CYP46A1: variants seen among roughly 807,000 people sequenced by gnomAD.
The protein encoded by CYP46A1 is cytochrome P450 family 46 subfamily A member 1, also known as cholesterol 24-hydroxylase.
A neutral mutation model predicts 63.3 loss-of-function variants in CYP46A1; 20 were observed. That is an observed-to-expected ratio of 0.32 (90% CI 0.22 to 0.46). The LOEUF (loss-of-function observed/expected upper bound fraction) is 0.46. Among genes scored for constraint, CYP46A1 ranks in the 20% least tolerant of loss-of-function variants. The pLI is 1.00. For missense variants in CYP46A1, 445 were observed against 670.8 expected (o/e 0.66, Z 3.72); for synonymous variants, 268 against 273.6 (o/e 0.98, Z 0.20).
At chr14:99,717,822 C>T (rs757234128) in intron 9 of CYP46A1, 8 of 492,332 alleles carry the variant, frequency 1.6e-5, no homozygotes, top group African/African-American at 5.9e-5. Flanking sequence ...GCTGTGTGAC[C>T]ACAGAGACCC....
intron 5 of CYP46A1, chr14:99,703,724 C>A: frequency 8.4e-6 from 8 of 954,442 alleles, no homozygotes; most frequent in Non-Finnish European, 1.0e-5. Context: ...CCTCACTAGA[C>A]CACGGATCCC....
chr14:99,686,315 G>C (rs1275457223), intron 1 of CYP46A1, among the ~76,000 whole-genome samples: 5 of 152,136 alleles, frequency 3.3e-5, no homozygotes, highest in African/African-American at 1.2e-4. Flanking sequence ...TCTGTGTCTT[G>C]AGAAAGCAGA....
At position 99,716,122 on chromosome 14, in the gene CYP46A1, C is replaced by T; in HGVS notation, c.845-15C>T. The T allele has an allele frequency of 6.2e-7, 1 of 1,614,186 alleles. No homozygotes were observed. On this transcript the variant is annotated splice_polypyrimidine_tract_variant and intron_variant, in intron 8 of 14. Coordinates refer to ENST00000261835, the MANE Select transcript of CYP46A1 (RefSeq NM_006668.2). ...CAAAGATTTGCTGGGAACTGAGACT[C>T]TCCTTGTTTTTCAGCTGAAGAGGGA... is the stretch of plus-strand genomic sequence containing the variant.
intron 9 of CYP46A1, among the ~76,000 whole-genome samples, chr14:99,716,651 A>G (rs960988612): frequency 6.6e-6 from 1 of 152,216 alleles, no homozygotes; most frequent in Non-Finnish European, 1.5e-5. Flanking sequence ...TCAGGCACTC[A>G]GCTAGAAGCT....
intron 3 of CYP46A1, among the ~76,000 whole-genome samples, chr14:99,693,995 C>G (rs894001385): frequency 2.0e-5 from 3 of 152,194 alleles, no homozygotes; most frequent in African/African-American, 7.2e-5. Flanking sequence ...TTCCCCTCCC[C>G]CCAGACCCTG....
Position 99,707,376 on chromosome 14 carries a change from T to A in CYP46A1, c.583-192T>A, listed in dbSNP as rs8011015. 1.1e-3 allele frequency among the ~76,000 whole-genome samples: 160 copies of A among 152,248 alleles called. No individual in the cohort carries two copies. In the East Asian group the frequency reaches 0.023, roughly 22 times the overall value. ...AAAGCCAAGTTTATTGAGTAGCTAC[T>A]ATGAGCTACTTCATCCTCATAGCAT... On this transcript the variant is annotated intron_variant, in intron 6 of 14. Coordinates refer to ENST00000261835, the MANE Select transcript of CYP46A1 (RefSeq NM_006668.2).
At chr14:99,700,848 C>T (rs763428636) in intron 5 of CYP46A1, among the ~76,000 whole-genome samples, 1 of 152,160 alleles carries the variant, frequency 6.6e-6, no homozygotes, top group Non-Finnish European at 1.5e-5. Flanking sequence ...CAGAAGAAGG[C>T]ATTATTATCA....
intron 3 of CYP46A1, chr14:99,693,543 T>C (rs1339959326): frequency 6.6e-6 from 1 of 152,238 alleles, no homozygotes; most frequent in Non-Finnish European, 1.5e-5. Context: ...TAATATTTTG[T>C]TAAGAGTTTT....
At chr14:99,698,796 T>C (rs1234759896) in intron 3 of CYP46A1, among the ~76,000 whole-genome samples, 3 of 152,204 alleles carry the variant, frequency 2.0e-5, no homozygotes, top group African/African-American at 7.2e-5. Flanking sequence ...TGGGCAATCC[T>C]GCCTCAAGAG....
intron 6 of CYP46A1, 81 bp downstream of exon 6, chr14:99,706,866 C>T (rs2056681325): frequency 6.7e-7 from 1 of 1,498,406 alleles, no homozygotes; most frequent in Non-Finnish European, 9.0e-7. Context: ...TCCCTTCTCT[C>T]TTCCCCTCCC....
At chr14:99,710,884 TGAAA>T (rs1401442783) in intron 7 of CYP46A1, 1 of 152,108 alleles carries the variant, frequency 6.6e-6, no homozygotes, top group Admixed American at 6.5e-5. Context: ...CATCAGCACA[TGAAA>T]GATTCTCCAG....
Position 99,706,634 on chromosome 14 carries a change from G to A in CYP46A1, c.444-13G>A, listed in dbSNP as rs373738815. 9 of 1,613,380 alleles carry A rather than the reference G, an allele frequency of 5.6e-6. No individual in the cohort carries two copies. The African/African-American group carries it at 1.2e-4, about 22-fold the overall frequency. On this transcript the variant is annotated splice_polypyrimidine_tract_variant and intron_variant, in intron 5 of 14. Transcript: ENST00000261835. ...CTGGCCAGTGGCCGTTGATGCCTGT[G>A]CTGTTTCTCCAGCTCCTTGGTTAGC...
intron 10 of CYP46A1, among the ~76,000 whole-genome samples, chr14:99,719,479 C>G (rs2056823723): frequency 6.6e-6 from 1 of 151,822 alleles, no homozygotes; most frequent in Non-Finnish European, 1.5e-5. Flanking sequence ...ATCTTGGCAT[C>G]ACAAAGTGCT....
rs2056805278 is a variant in CYP46A1, at chr14:99,717,837, C to T, written c.908-217C>T. On this transcript the variant is annotated intron_variant, in intron 9 of 14. Transcript: ENST00000261835. ...GCTGTGTGACCACAGAGACCCATTC[C>T]TCTCCACCTCCACTTTCTCTTCTCC... is the stretch of plus-strand genomic sequence containing the variant. 1.1e-5 allele frequency: 6 copies of T among 528,266 alleles called. No homozygotes were observed. In the East Asian group the frequency reaches 1.8e-4, roughly 16 times the overall value. 32.7% of individuals were successfully genotyped at this position (528,266 alleles called of 1,614,324 possible). A position where few individuals can be genotyped will look rare whatever the true frequency, so the allele number is the denominator to read the frequency against.
intron 10 of CYP46A1, among the ~76,000 whole-genome samples, chr14:99,719,127 A>G (rs1340855936): frequency 1.3e-5 from 2 of 152,184 alleles, no homozygotes; most frequent in Non-Finnish European, 2.9e-5. Flanking sequence ...TAAAATATAC[A>G]TAACATAAAA....
intron 1 of CYP46A1, among the ~76,000 whole-genome samples, chr14:99,688,802 C>T (rs566376011): frequency 1.3e-5 from 2 of 152,188 alleles, no homozygotes; most frequent in East Asian, 3.9e-4. Context: ...GCTGGGGGCT[C>T]GGTTCCCGGT....
chr14:99,717,118 C>T (rs1481552243), intron 9 of CYP46A1, among the ~76,000 whole-genome samples: 1 of 152,178 alleles, frequency 6.6e-6, no homozygotes, highest in African/African-American at 2.4e-5. Flanking sequence ...ATGGCTGGTC[C>T]TCATTCCTGC....
intron 5 of CYP46A1, among the ~76,000 whole-genome samples, chr14:99,705,629 A>G (rs923761169): frequency 6.6e-6 from 1 of 152,262 alleles, no homozygotes; most frequent in Non-Finnish European, 1.5e-5. Flanking sequence ...TAATATTAAA[A>G]GATTAACATT....
At position 99,726,716 on chromosome 14, in the gene CYP46A1, C is replaced by A; in HGVS notation, c.1492C>A (p.Pro498Thr). The change falls in exon 15 of 15, where the codon CCC becomes ACC. Residue 498 changes from proline to threonine, a missense_variant. Pro to Thr is a conservative substitution (Grantham distance 38, BLOSUM62 -1). Transcript: ENST00000261835. ...CGGCTGGCAGCCCGCACCCCCACCA[C>A]CCCCCTGCTGAGGGGGCCTCCAGGC... Reference protein sequence around the residue: ...PRGWQPAPPPPPC With the variant: ...PRGWQPAPPPTPC 2 of 1,528,572 alleles carry A rather than the reference C, an allele frequency of 1.3e-6. No homozygotes were observed. Among genetic ancestry groups the A allele is most frequent in the African/African-American group, 1.4e-5 (1 of 72,588 alleles). The allele number at this position is 1,528,572 out of a possible 1,614,324, so 94.7% of individuals were successfully genotyped here.
Sources: gnomAD v4.1 joint callset for allele counts (sites outside exome capture counted in the v4.1 genomes callset) on GRCh38, gnomAD v4.1.1 for gene constraint, MANE v1.5 for transcripts, NCBI Gene and HGNC (gene_info 2026-07-23, HGNC 2026-07-21) for gene names.